DGKI: variants seen among roughly 807,000 people sequenced by gnomAD.
DGKI encodes diacylglycerol kinase iota, also known as DAG kinase iota.
Under a neutral mutation model 147.5 loss-of-function variants are expected in DGKI, and 55 were observed. That is an observed-to-expected ratio of 0.37 (90% CI 0.30 to 0.47). DGKI has a LOEUF of 0.47. Ranked by LOEUF, DGKI falls within the 20% of genes least tolerant of loss-of-function variation. The pLI is 1.00. For missense variants in DGKI, 1,007 were observed against 1,323.8 expected, an observed-to-expected ratio of 0.76 and a Z score of 3.71; for synonymous variants, 469 against 477.1, an observed-to-expected ratio of 0.98 and a Z score of 0.22.
intron 11 of DGKI, among the ~76,000 whole-genome samples, chr7:137,598,866 A>T (rs1351492870): frequency 1.3e-5 from 2 of 151,656 alleles, no homozygotes; most frequent in Non-Finnish European, 2.9e-5. Flanking sequence ...AAAATAAATA[A>T]ATATATATAT....
chr7:137,533,578 T>G (rs1215003769), intron 20 of DGKI, among the ~76,000 whole-genome samples: 1 of 152,052 alleles, frequency 6.6e-6, no homozygotes, highest in Non-Finnish European at 1.5e-5. Context: ...CAAGAAAACA[T>G]ACTTGTTTTA....
At chr7:137,800,336 GA>G (rs1797158964) in intron 1 of DGKI, among the ~76,000 whole-genome samples, 1 of 152,168 alleles carries the variant, frequency 6.6e-6, no homozygotes, top group Non-Finnish European at 1.5e-5. Flanking sequence ...GGCCTGGTGG[GA>G]GGCGTTTGGG....
intron 1 of DGKI, among the ~76,000 whole-genome samples, chr7:137,695,093 T>C (rs899190109): frequency 6.6e-6 from 1 of 152,234 alleles, no homozygotes; most frequent in Non-Finnish European, 1.5e-5. Flanking sequence ...ATACAACTAT[T>C]ATTCTACGTT....
intron 10 of DGKI, among the ~76,000 whole-genome samples, chr7:137,608,054 T>G (rs1820241334): frequency 6.6e-6 from 1 of 152,198 alleles, no homozygotes. Context: ...GCCCATTGTC[T>G]TTAGTAATAA....
At position 137,509,222 on chromosome 7, in the gene DGKI, A is replaced by T. The variant is rs557523937; in HGVS notation, c.2248+12644T>A. Among the ~76,000 whole-genome samples the T allele has an allele frequency of 2.6e-5, 4 of 152,302 alleles. 1 individual carries two copies. In the South Asian group the frequency reaches 8.3e-4, roughly 32 times the overall value. On this transcript the variant is annotated intron_variant, in intron 21 of 32. Transcript: ENST00000614521. The stretch of plus-strand genomic sequence containing the variant: ...CACTCGCTCATCTCAGTGCCTAAAA[A>T]TCTCCCACCTTTTTCTTGGACAAAA...
At chr7:137,398,856 AC>A (rs1056125970) in intron 30 of DGKI, among the ~76,000 whole-genome samples, 1 of 152,010 alleles carries the variant, frequency 6.6e-6, no homozygotes, top group African/African-American at 2.4e-5. Context: ...AGAAGTAGTT[AC>A]CAAGAAAGAT....
intron 1 of DGKI, among the ~76,000 whole-genome samples, chr7:137,730,926 T>A (rs2116661314): frequency 6.6e-6 from 1 of 152,200 alleles, no homozygotes; most frequent in Non-Finnish European, 1.5e-5. Context: ...ACAGCCTAAG[T>A]TTCAGGATGC....
intron 3 of DGKI, among the ~76,000 whole-genome samples, chr7:137,664,787 G>A (rs1292143917): frequency 7.2e-5 from 11 of 152,168 alleles, no homozygotes; most frequent in Non-Finnish European, 1.6e-4. Flanking sequence ...TCCTGTGAGA[G>A]ACAGACAACA....
At chr7:137,746,210 T>C (rs1255113106) in intron 1 of DGKI, among the ~76,000 whole-genome samples, 1 of 152,150 alleles carries the variant, frequency 6.6e-6, no homozygotes, top group Non-Finnish European at 1.5e-5. Flanking sequence ...ACATTCTGGA[T>C]TGTTCTGGAG....
intron 1 of DGKI, among the ~76,000 whole-genome samples, chr7:137,702,065 A>G (rs540948482): frequency 1.3e-5 from 2 of 152,326 alleles, no homozygotes; most frequent in African/African-American, 4.8e-5. Context: ...AGGTCTTTTC[A>G]AGACAAGATG....
intron 1 of DGKI, among the ~76,000 whole-genome samples, chr7:137,834,580 T>C (rs912977416): frequency 6.6e-6 from 1 of 152,284 alleles, no homozygotes; most frequent in African/African-American, 2.4e-5. Context: ...CTTCCCAGCA[T>C]CCCAGCTGCT....
intron 1 of DGKI, among the ~76,000 whole-genome samples, chr7:137,720,679 T>C (rs1794528661): frequency 6.6e-6 from 1 of 152,210 alleles, no homozygotes; most frequent in African/African-American, 2.4e-5. Flanking sequence ...GGATTTATTA[T>C]TATGGCTTAA....
In DGKI at chr7:137,427,313, G is replaced by C. The variant is rs868033599; in HGVS notation, c.2762-15106C>G. Among the ~76,000 whole-genome samples the C allele has an allele frequency of 4.3e-3, 661 of 152,134 alleles. 4 individuals are homozygous for C. Among genetic ancestry groups the C allele is most frequent in the African/African-American group, 0.015 (613 of 41,508 alleles). Reference sequence around the variant, plus strand: ...TCCTGAATGACTACTGGGTACATAAGGAAACGAAGGCAGAAATAAAGATGT... The same window carrying C: ...TCCTGAATGACTACTGGGTACATAACGAAACGAAGGCAGAAATAAAGATGT... On this transcript the variant is annotated intron_variant, in intron 28 of 32. Transcript: ENST00000614521.
chr7:137,730,878 T>C (rs1794859889), intron 1 of DGKI, among the ~76,000 whole-genome samples: 2 of 152,084 alleles, frequency 1.3e-5, no homozygotes, highest in South Asian at 4.1e-4. Flanking sequence ...GGTACAATAA[T>C]AATTTTACCT....
At chr7:137,504,475 T>TA in intron 21 of DGKI, among the ~76,000 whole-genome samples, 1 of 152,214 alleles carries the variant, frequency 6.6e-6, no homozygotes, top group South Asian at 2.1e-4. Flanking sequence ...GGAGGCTTTT[T>TA]AAAAAAGGTT....
intron 1 of DGKI, among the ~76,000 whole-genome samples, chr7:137,740,037 G>A (rs1468004064): frequency 6.6e-6 from 1 of 152,108 alleles, no homozygotes. Flanking sequence ...TCACTCTGTT[G>A]GAATAAAGCT....
At chr7:137,730,502 T>C (rs1483983891) in intron 1 of DGKI, among the ~76,000 whole-genome samples, 2 of 152,126 alleles carry the variant, frequency 1.3e-5, no homozygotes, top group African/African-American at 2.4e-5. Context: ...GTAATGGCTT[T>C]CTAATTGATC....
Position 137,482,375 on chromosome 7 carries a change from T to C in DGKI, c.2373+2999A>G, listed in dbSNP as rs565973480. ...ACTCTTCTTGACTCATGAATAAACA[T>C]AGATAGAACAGTGGGCCCTCCTCTT... On this transcript the variant is annotated intron_variant, in intron 23 of 32. Transcript: ENST00000614521. Among the ~76,000 whole-genome samples, 15 of 151,990 alleles carry C rather than the reference T, an allele frequency of 9.9e-5. No homozygotes were observed. In the East Asian group the frequency reaches 1.6e-3, roughly 16 times the overall value.
intron 1 of DGKI, among the ~76,000 whole-genome samples, chr7:137,754,954 A>T (rs948789549): frequency 1.3e-5 from 2 of 152,222 alleles, no homozygotes; most frequent in African/African-American, 4.8e-5. Flanking sequence ...CAAACAACGC[A>T]TACTTTAAAA....
Sources: allele counts gnomAD v4.1 joint callset (sites outside exome capture counted in the v4.1 genomes callset), GRCh38; gene constraint gnomAD v4.1.1; transcripts MANE v1.5; gene names NCBI Gene and HGNC (gene_info 2026-07-23, HGNC 2026-07-21).